Variants in FOXP1 observed in about 807,000 individuals in gnomAD.
FOXP1 encodes the protein forkhead box P1, also known as forkhead box protein P1.
A neutral mutation model predicts 98.2 loss-of-function variants in FOXP1; 15 were observed. The observed-to-expected ratio is 0.15, with a 90% confidence interval of 0.10 to 0.24. The LOEUF (loss-of-function observed/expected upper bound fraction) is 0.24. FOXP1 is among the 10% of genes least tolerant of loss of function. The pLI, the probability that FOXP1 is intolerant of heterozygous loss-of-function variation, is 1.00. For missense variants in FOXP1, 633 were observed against 848.5 expected, an observed-to-expected ratio of 0.75 and a Z score of 3.15; for synonymous variants, 371 against 314.5, an observed-to-expected ratio of 1.18 and a Z score of -1.90.
chr3:71,159,664 T>C (rs9840529), intron 6 of FOXP1, among the ~76,000 whole-genome samples: 49,718 of 151,942 alleles, frequency 0.33, 8,767 homozygotes, highest in East Asian at 0.69. Flanking sequence ...TCAGCAGTCC[T>C]TTCTATGATA....
intron 5 of FOXP1, among the ~76,000 whole-genome samples, chr3:71,243,994 C>T (rs2067508445): frequency 6.6e-6 from 1 of 152,148 alleles, no homozygotes; most frequent in South Asian, 2.1e-4. Context: ...AGAAAAAGTA[C>T]ATAGCCAGTC....
chr3:71,122,311 A>G (rs1230622361), intron 6 of FOXP1, among the ~76,000 whole-genome samples: 1 of 152,234 alleles, frequency 6.6e-6, no homozygotes, highest in Non-Finnish European at 1.5e-5. Flanking sequence ...TAGAGGCAAC[A>G]TTCCAGCAGA....
intron 3 of FOXP1, among the ~76,000 whole-genome samples, chr3:71,468,619 C>T (rs1021336616): frequency 1.3e-5 from 2 of 152,166 alleles, no homozygotes; most frequent in Non-Finnish European, 2.9e-5. Context: ...ATTCCTTTAA[C>T]CGTTCTAAAA....
chr3:71,063,949 G>A (rs919424895), intron 7 of FOXP1, among the ~76,000 whole-genome samples: 5 of 152,142 alleles, frequency 3.3e-5, no homozygotes, highest in Admixed American at 6.5e-5. Flanking sequence ...GAGGAGAGGG[G>A]TAAAAAGTCC....
chr3:71,073,337 T>C (rs2107453342), intron 7 of FOXP1, among the ~76,000 whole-genome samples: 1 of 152,280 alleles, frequency 6.6e-6, no homozygotes, highest in Non-Finnish European at 1.5e-5. Context: ...CTTACACCCT[T>C]CTCTATACCT....
chr3:71,396,065 G>C (rs898558132), intron 3 of FOXP1, among the ~76,000 whole-genome samples: 5 of 152,108 alleles, frequency 3.3e-5, no homozygotes, highest in African/African-American at 9.7e-5. Context: ...TAACATAAAA[G>C]AGAAGGCTTA....
chr3:71,140,997 G>A (rs1196135542), intron 6 of FOXP1, among the ~76,000 whole-genome samples: 1 of 151,774 alleles, frequency 6.6e-6, no homozygotes, highest in Non-Finnish European at 1.5e-5. Flanking sequence ...GGCTGGGCGT[G>A]GTGGTTCATG....
At chr3:71,515,056 C>T (rs1271273800) in intron 2 of FOXP1, among the ~76,000 whole-genome samples, 1 of 152,144 alleles carries the variant, frequency 6.6e-6, no homozygotes, top group Non-Finnish European at 1.5e-5. Context: ...ATAAAGATAG[C>T]CAGGCTATCT....
At chr3:71,084,264 A>G (rs1166619620) in intron 7 of FOXP1, among the ~76,000 whole-genome samples, 4 of 152,216 alleles carry the variant, frequency 2.6e-5, no homozygotes, top group Non-Finnish European at 5.9e-5. Flanking sequence ...AAAAAAAATA[A>G]AGAAATCCCC....
At chr3:71,440,387 G>GA in intron 3 of FOXP1, among the ~76,000 whole-genome samples, 1 of 150,938 alleles carries the variant, frequency 6.6e-6, no homozygotes, top group African/African-American at 2.4e-5. Flanking sequence ...GTAACAAAGT[G>GA]AGACACCGTG....
intron 3 of FOXP1, among the ~76,000 whole-genome samples, chr3:71,367,488 C>T (rs1239498201): frequency 6.6e-6 from 1 of 152,164 alleles, no homozygotes; most frequent in Non-Finnish European, 1.5e-5. Flanking sequence ...CGTATCTCCA[C>T]TACAAGCTTC....
At chr3:71,576,550 GATT>G (rs978417687) in intron 2 of FOXP1, among the ~76,000 whole-genome samples, 22 of 152,252 alleles carry the variant, frequency 1.4e-4, no homozygotes, top group African/African-American at 4.8e-4. Context: ...AATTTAAATA[GATT>G]ATTAGTTGTC....
intron 3 of FOXP1, among the ~76,000 whole-genome samples, chr3:71,386,300 A>G (rs962334104): frequency 6.6e-6 from 1 of 152,204 alleles, no homozygotes; most frequent in African/African-American, 2.4e-5. Context: ...GGTTGTGCCC[A>G]CTGGCAATAG....
chr3:71,004,016 T>C (rs1006510618), intron 12 of FOXP1, among the ~76,000 whole-genome samples: 1 of 151,998 alleles, frequency 6.6e-6, no homozygotes, highest in Non-Finnish European at 1.5e-5. Context: ...TTATTTACTA[T>C]AGTTTAAAGT....
chr3:71,314,166 C>A (rs1042653479), intron 4 of FOXP1, among the ~76,000 whole-genome samples: 1 of 152,188 alleles, frequency 6.6e-6, no homozygotes, highest in Non-Finnish European at 1.5e-5. Context: ...TTATTACGAT[C>A]AGGGATGATA....
chr3:71,433,312 G>A (rs946809704), intron 3 of FOXP1, among the ~76,000 whole-genome samples: 2 of 152,182 alleles, frequency 1.3e-5, no homozygotes, highest in African/African-American at 2.4e-5. Context: ...AAATCAGACT[G>A]TAGGTGCCAG....
chr3:71,541,903 G>A, intron 2 of FOXP1: 1 of 486,100 alleles, frequency 2.1e-6, no homozygotes, highest in South Asian at 1.6e-5. Context: ...GGACTCAAAA[G>A]TCAACACTCG....
At chr3:70,978,089 C>CG in intron 14 of FOXP1, 60 bp from the exon 15 acceptor site, 1 of 1,400,484 alleles carries the variant, frequency 7.1e-7, no homozygotes, top group Middle Eastern at 1.8e-4. Flanking sequence ...ACCCAGGAAC[C>CG]ACATCTAGCA....
intron 3 of FOXP1, among the ~76,000 whole-genome samples, chr3:71,403,478 G>T (rs1193730155): frequency 6.6e-6 from 1 of 152,256 alleles, no homozygotes; most frequent in Non-Finnish European, 1.5e-5. Flanking sequence ...GATGTGAGAG[G>T]TGTGTGAGTG....
Sources: gnomAD v4.1 joint callset for allele counts (sites outside exome capture counted in the v4.1 genomes callset) on GRCh38, gnomAD v4.1.1 for gene constraint, MANE v1.5 for transcripts, NCBI Gene and HGNC (gene_info 2026-07-23, HGNC 2026-07-21) for gene names.